Variants in KCNQ1 observed in about 807,000 individuals in gnomAD.
KCNQ1 encodes potassium voltage-gated channel subfamily KQT member 1.
Under a neutral mutation model 72.4 loss-of-function variants are expected in KCNQ1, and 49 were observed. That is an observed-to-expected ratio of 0.68 (90% CI 0.54 to 0.86). The LOEUF is 0.86. Ranked by LOEUF, KCNQ1 falls within the 40% of genes least tolerant of loss-of-function variation. The pLI is 0.00. For missense variants in KCNQ1, 790 were observed against 945.1 expected, an observed-to-expected ratio of 0.84 and a Z score of 2.15; for synonymous variants, 450 against 412.6, an observed-to-expected ratio of 1.09 and a Z score of -1.10.
intron 11 of KCNQ1, among the ~76,000 whole-genome samples, chr11:2,756,012 CCA>C (rs1846293188): frequency 6.6e-6 from 1 of 152,324 alleles, no homozygotes; most frequent in African/African-American, 2.4e-5. Flanking sequence ...TTGGCATAAA[CCA>C]CAGTCTGACC....
chr11:2,616,163 CTT>C (rs1452064451), intron 10 of KCNQ1: 1 of 396,172 alleles, frequency 2.5e-6, no homozygotes, highest in South Asian at 1.3e-4. Flanking sequence ...TTTTATCACA[CTT>C]TTTATTTCTG....
chr11:2,566,694 C>T lies in KCNQ1; in HGVS notation c.478-3934C>T, dbSNP rs1564818726. ...GGAGACCAAGGACGGCTCTTCTTCT[C>T]GTATCTACGGGGCAGAGCTCAGGGC... On this transcript the variant is annotated intron_variant, in intron 2 of 15. Coordinates refer to ENST00000155840, the MANE Select transcript of KCNQ1 (RefSeq NM_000218.3). This position sits in a 1 kb window ranked among gnomAD's most constrained non-coding sequence, Gnocchi z 6.7. 2.0e-5 allele frequency among the ~76,000 whole-genome samples: 3 copies of T among 152,198 alleles called. No homozygotes were observed. The highest frequency in any genetic ancestry group is 1.9e-4 in the East Asian group (1 of 5,170).
In KCNQ1 at chr11:2,724,190, C is replaced by T. The variant is rs129072; in HGVS notation, c.1515-44654C>T. 0.12 allele frequency among the ~76,000 whole-genome samples: 18,649 copies of T among 152,178 alleles called. 1,456 individuals carry two copies. The highest frequency in any genetic ancestry group is 0.21 in the Middle Eastern group (61 of 294). On this transcript the variant is annotated intron_variant, in intron 11 of 15. Coordinates refer to ENST00000155840, the MANE Select transcript of KCNQ1 (RefSeq NM_000218.3). This position sits in a 1 kb window ranked among gnomAD's most constrained non-coding sequence, Gnocchi z 6.8. ...GGAAGGAAAGACAGAAAGAAAAACA[C>T]GCACAGATCCAGGCTCAGATGATAT...
chr11:2,587,844 C>G (rs1848616809), intron 9 of KCNQ1, 152 bp downstream of exon 9: 6 of 1,115,098 alleles, frequency 5.4e-6, no homozygotes, highest in Admixed American at 1.9e-5. Context: ...CTGGGCCATA[C>G]ACCCGATGCT....
rs1846886002 is a variant in KCNQ1 at position 2,494,941 on chromosome 11, A to T, written c.387-32987A>T. Among the ~76,000 whole-genome samples the T allele has an allele frequency of 6.6e-6, 1 of 152,148 alleles. No homozygotes were observed. Among genetic ancestry groups the T allele is most frequent in the South Asian group, 2.1e-4 (1 of 4,826 alleles). ...ACCAGCTCCTCTTTGTGCCTCTGGT[A>T]GAATTTGGGTGTGAATCCGTCTGGT... On this transcript the variant is annotated intron_variant, in intron 1 of 15. Coordinates refer to ENST00000155840, the MANE Select transcript of KCNQ1 (RefSeq NM_000218.3). The surrounding 1 kb of genome is among the most constrained non-coding windows in gnomAD (Gnocchi z 4.6).
At chr11:2,568,217 G>A (rs1848274043) in intron 2 of KCNQ1, among the ~76,000 whole-genome samples, 1 of 152,150 alleles carries the variant, frequency 6.6e-6, no homozygotes, top group Non-Finnish European at 1.5e-5. Context: ...AGGTTGCAGT[G>A]AGCCGAGATC....
chr11:2,687,142 G>C lies in KCNQ1; in HGVS notation c.1514+25061G>C. 2.5e-6 allele frequency: 1 copy of C among 398,666 alleles called. No homozygotes were observed. Among genetic ancestry groups the C allele is most frequent in the Non-Finnish European group, 4.4e-6 (1 of 226,100 alleles). The allele number at this position is 398,666 out of a possible 1,614,324, so 24.7% of individuals were successfully genotyped here. A position where few individuals can be genotyped will look rare whatever the true frequency, so the allele number is the denominator to read the frequency against. ...AACTGCACAGGGAGGGGAGGAATCT[G>C]AGCCAGCTTCCTCCACAAAGCACAG... On this transcript the variant is annotated intron_variant, in intron 11 of 15. Coordinates refer to ENST00000155840, the MANE Select transcript of KCNQ1 (RefSeq NM_000218.3). This position sits in a 1 kb window ranked among gnomAD's most constrained non-coding sequence, Gnocchi z 5.0.
chr11:2,528,082 C>T (rs1298579370), intron 2 of KCNQ1, 64 bp downstream of exon 2: 18 of 1,375,578 alleles, frequency 1.3e-5, no homozygotes, highest in Middle Eastern at 1.8e-4. Flanking sequence ...ATCTCCCTGG[C>T]GCTGGGCCCC....
intron 11 of KCNQ1, among the ~76,000 whole-genome samples, chr11:2,708,621 C>A (rs966316162): frequency 2.6e-5 from 4 of 152,054 alleles, no homozygotes; most frequent in Non-Finnish European, 5.9e-5. Flanking sequence ...TAATTTTGAC[C>A]CTTGATCTGG....
intron 15 of KCNQ1, among the ~76,000 whole-genome samples, chr11:2,797,777 GCC>G (rs1449741206): frequency 6.6e-6 from 1 of 152,086 alleles, no homozygotes; most frequent in Non-Finnish European, 1.5e-5. Context: ...TCCCCTGGGA[GCC>G]TGCCTCACCC....
chr11:2,611,913 GC>G lies in KCNQ1; in HGVS notation c.1393+23060del, dbSNP rs1394419533. ...CTGGAGGTTACAATAAGCAGCTTAA[GC>G]AAAAACAATCTGCTTCAGGTTAATA... On this transcript the variant is annotated intron_variant, in intron 10 of 15. Coordinates refer to ENST00000155840, the MANE Select transcript of KCNQ1 (RefSeq NM_000218.3). The surrounding 1 kb of genome is among the most constrained non-coding windows in gnomAD (Gnocchi z 5.3). 22 of 398,324 alleles carry G rather than the reference GC, an allele frequency of 5.5e-5. No individual in the cohort carries two copies. In the Middle Eastern group the frequency reaches 2.5e-3, roughly 45 times the overall value. The allele number at this position is 398,324 out of a possible 1,614,324, so 24.7% of individuals were successfully genotyped here. A position where few individuals can be genotyped will look rare whatever the true frequency, so the allele number is the denominator to read the frequency against.
At chr11:2,575,524 G>C (rs544606684) in intron 6 of KCNQ1, among the ~76,000 whole-genome samples, 3 of 152,356 alleles carry the variant, frequency 2.0e-5, no homozygotes, top group African/African-American at 7.2e-5. Context: ...CAGCAGCCCA[G>C]ATGGGGGCTT....
At chr11:2,648,893 T>TATA in intron 10 of KCNQ1, 1 of 398,496 alleles carries the variant, frequency 2.5e-6, no homozygotes, top group Non-Finnish European at 4.4e-6. Flanking sequence ...TCCAGTGTTG[T>TATA]TGGTTGCATA....
In KCNQ1 at chr11:2,471,696, G is replaced by T. The variant is rs1405719121; in HGVS notation, c.386+26212G>T. Among the ~76,000 whole-genome samples the T allele has an allele frequency of 6.6e-6, 1 of 151,498 alleles. No homozygotes were observed. The highest frequency in any genetic ancestry group is 1.5e-5 in the Non-Finnish European group (1 of 67,842). ...TGTGCACATGTGTATGGGTGTGCAT[G>T]TGTGTATAGGTGTGTGTATGTGTGC... is the stretch of plus-strand genomic sequence containing the variant. On this transcript the variant is annotated intron_variant, in intron 1 of 15. Coordinates refer to ENST00000155840, the MANE Select transcript of KCNQ1 (RefSeq NM_000218.3). The surrounding 1 kb of genome is among the most constrained non-coding windows in gnomAD (Gnocchi z 4.8).
rs932077374 is a variant in KCNQ1, at chr11:2,593,384, C to T, written c.1393+4530C>T. ...GGATCGGGGAGGCCACCTCAGAGGC[C>T]TTTTGCTGCTCAGAGAACACTGGGC... On this transcript the variant is annotated intron_variant, in intron 10 of 15. Transcript: ENST00000155840. This position sits in a 1 kb window ranked among gnomAD's most constrained non-coding sequence, Gnocchi z 6.9. 2.0e-5 allele frequency among the ~76,000 whole-genome samples: 3 copies of T among 152,090 alleles called. No individual in the cohort carries two copies. Among genetic ancestry groups the T allele is most frequent in the African/African-American group, 7.2e-5 (3 of 41,406 alleles).
In KCNQ1 at chr11:2,475,825, C is replaced by T; in HGVS notation, c.386+30341C>T. On this transcript the variant is annotated intron_variant, in intron 1 of 15. Transcript: ENST00000155840. The surrounding 1 kb of genome is among the most constrained non-coding windows in gnomAD (Gnocchi z 5.8). ...AGAGGCATTCCGCTACACAAGCTCT[C>T]TCATGTTTTGCCTGCCACCATCCAC... 6.6e-6 allele frequency among the ~76,000 whole-genome samples: 1 copy of T among 152,208 alleles called. No homozygotes were observed. Among genetic ancestry groups the T allele is most frequent in the East Asian group, 1.9e-4 (1 of 5,190 alleles).
In KCNQ1 at chr11:2,711,720, A is replaced by AC. The variant is rs1207208494; in HGVS notation, c.1514+49641dup. On this transcript the variant is annotated intron_variant, in intron 11 of 15. Transcript: ENST00000155840. The surrounding 1 kb of genome is among the most constrained non-coding windows in gnomAD (Gnocchi z 5.4). ...ACTAAGTGAGGTATCTTAAGGCTTT[A>AC]CCACCAGGGAAATAGAACTTTGGCA... Among the ~76,000 whole-genome samples, 1 of 152,194 alleles carries AC rather than the reference A, an allele frequency of 6.6e-6. No individual in the cohort carries two copies. The highest frequency in any genetic ancestry group is 1.5e-5 in the Non-Finnish European group (1 of 68,046).
chr11:2,466,121 C>T (rs1459810169), intron 1 of KCNQ1, among the ~76,000 whole-genome samples: 1 of 152,188 alleles, frequency 6.6e-6, no homozygotes, highest in Non-Finnish European at 1.5e-5. Context: ...TTGAGTTTTC[C>T]TGAGGCTTTG....
intron 2 of KCNQ1, among the ~76,000 whole-genome samples, chr11:2,529,370 C>T (rs139026386): frequency 0.015 from 2,285 of 151,796 alleles, 53 homozygotes; most frequent in African/African-American, 0.051. Context: ...TCCCAGTGAA[C>T]GTTGCCATCA....
Sources: gnomAD v4.1 joint callset for allele counts (sites outside exome capture counted in the v4.1 genomes callset) on GRCh38, gnomAD v4.1.1 for gene constraint, Gnocchi (gnomAD v3.1) non-coding constraint, MANE v1.5 for transcripts, NCBI Gene and HGNC (gene_info 2026-07-23, HGNC 2026-07-21) for gene names.